ARHGEF10: variants seen among roughly 807,000 people sequenced by gnomAD.
ARHGEF10 encodes the protein Rho guanine nucleotide exchange factor 10.
Under a neutral mutation model 147.4 loss-of-function variants are expected in ARHGEF10, and 140 were observed. The ratio of observed to expected loss-of-function variants is 0.95; its 90% CI spans 0.83 to 1.09. ARHGEF10 has a LOEUF of 1.09. Ranked by LOEUF, ARHGEF10 falls within the 50% of genes least tolerant of loss-of-function variation. ARHGEF10 has a pLI of 0.00. For synonymous variants in ARHGEF10, 902 were observed against 695.8 expected (o/e 1.30, Z -4.67); for missense variants, 2,222 against 1,752.7 (o/e 1.27, Z -4.78).
chr8:1,863,022 A>T (rs1450104871), intron 4 of ARHGEF10, among the ~76,000 whole-genome samples: 2 of 151,504 alleles, frequency 1.3e-5, no homozygotes, highest in Non-Finnish European at 2.9e-5. Flanking sequence ...TGACCTCGTG[A>T]TCCGCCCGCC....
chr8:1,897,036 G>C (rs906161370), intron 14 of ARHGEF10, among the ~76,000 whole-genome samples: 2 of 152,206 alleles, frequency 1.3e-5, no homozygotes, highest in African/African-American at 4.8e-5. Context: ...GCTGTGTTCT[G>C]ACAGTTTGCT....
At chr8:1,862,877 C>T (rs1806260637) in intron 4 of ARHGEF10, among the ~76,000 whole-genome samples, 1 of 150,010 alleles carries the variant, frequency 6.7e-6, no homozygotes, top group Non-Finnish European at 1.5e-5. Flanking sequence ...CTCCCGGGTT[C>T]ACACCGTTCT....
At chr8:1,942,159 A>G (rs1242490831) in intron 26 of ARHGEF10, among the ~76,000 whole-genome samples, 1 of 151,272 alleles carries the variant, frequency 6.6e-6, no homozygotes, top group African/African-American at 2.4e-5. Context: ...TTCAAAGGAC[A>G]CTATCAGCAG....
At chr8:1,881,621 G>A (rs747323065) in intron 9 of ARHGEF10, among the ~76,000 whole-genome samples, 3 of 152,148 alleles carry the variant, frequency 2.0e-5, no homozygotes, top group Non-Finnish European at 1.5e-5. Flanking sequence ...GGCAGGCGAC[G>A]CGGGTGTGAG....
At chr8:1,936,304 C>G (rs1336430170) in intron 26 of ARHGEF10, among the ~76,000 whole-genome samples, 1 of 152,110 alleles carries the variant, frequency 6.6e-6, no homozygotes, top group Non-Finnish European at 1.5e-5. Flanking sequence ...CGCTTGAGCT[C>G]AAGAGTTCAA....
intron 1 of ARHGEF10, among the ~76,000 whole-genome samples, chr8:1,840,473 A>ACTGTCCTGTGTGGAAG: frequency 7.7e-6 from 1 of 130,538 alleles, no homozygotes; most frequent in Non-Finnish European, 1.6e-5. Flanking sequence ...CGGTGTGGGT[A>ACTGTCCTGTGTGGAAG]CTGTCCTGTG....
At chr8:1,897,084 C>T (rs766230513) in intron 14 of ARHGEF10, among the ~76,000 whole-genome samples, 16 of 152,348 alleles carry the variant, frequency 1.1e-4, no homozygotes, top group East Asian at 3.9e-4. Flanking sequence ...TCAAAGACGT[C>T]GGCGGAACTG....
intron 2 of ARHGEF10, among the ~76,000 whole-genome samples, chr8:1,846,243 T>G (rs76875788): frequency 0.023 from 3,567 of 152,342 alleles, 75 homozygotes; most frequent in East Asian, 0.083. Context: ...ATGACCTTGG[T>G]CTTTGATACA....
intron 18 of ARHGEF10, among the ~76,000 whole-genome samples, chr8:1,912,172 G>C (rs1176499021): frequency 6.7e-6 from 1 of 150,202 alleles, no homozygotes; most frequent in Non-Finnish European, 1.5e-5. Context: ...CAAAAGCGCC[G>C]TGTCGATTGT....
At chr8:1,907,442 G>A (rs1050189472) in intron 17 of ARHGEF10, among the ~76,000 whole-genome samples, 3 of 152,164 alleles carry the variant, frequency 2.0e-5, no homozygotes, top group Admixed American at 6.5e-5. Context: ...AAATGACCTT[G>A]TAAACGGCAA....
At chr8:1,927,716 C>A (rs940217464) in intron 23 of ARHGEF10, among the ~76,000 whole-genome samples, 1 of 152,120 alleles carries the variant, frequency 6.6e-6, no homozygotes, top group East Asian at 1.9e-4. Context: ...AGTTTGAGAC[C>A]AGCCTGGCCA....
At chr8:1,838,024 C>T (rs985991083) in intron 1 of ARHGEF10, among the ~76,000 whole-genome samples, 4 of 152,186 alleles carry the variant, frequency 2.6e-5, no homozygotes, top group African/African-American at 4.8e-5. Context: ...TCATTGTCTC[C>T]TCCATAGAGT....
chr8:1,894,482 G>C lies in ARHGEF10; in HGVS notation c.1350G>C (p.Leu450=), dbSNP rs374059529. 10 of 1,614,124 alleles carry C rather than the reference G, an allele frequency of 6.2e-6. No homozygotes were observed. Among genetic ancestry groups the C allele is most frequent in the South Asian group, 1.1e-5 (1 of 91,090 alleles). Residue 450 remains leucine (L), a synonymous_variant, in exon 13 of 29, where the codon CTG becomes CTC. Coordinates refer to ENST00000349830, the MANE Select transcript of ARHGEF10 (RefSeq NM_014629.4). ...TGTTCTACCGAGTCAAAGAGATCCT[G>C]CAGTGCCACTCGCTATTTCAGATCG... ...KTVFYRVKEI[L]QCHSLFQIAL... is the part of the protein sequence containing the mutation.
At chr8:1,854,450 T>G (rs1438672949) in intron 2 of ARHGEF10, among the ~76,000 whole-genome samples, 1 of 152,220 alleles carries the variant, frequency 6.6e-6, no homozygotes, top group African/African-American at 2.4e-5. Context: ...TGGAACTGAA[T>G]TCTGAGAGGA....
chr8:1,876,544 A>T (rs757636348), intron 7 of ARHGEF10, 27 bp from the exon 8 acceptor site: 1 of 1,612,064 alleles, frequency 6.2e-7, no homozygotes, highest in South Asian at 1.1e-5. Context: ...TAAAGTTTTA[A>T]TTTCATTTTG....
At chr8:1,900,970 T>G (rs765863555) in intron 15 of ARHGEF10, among the ~76,000 whole-genome samples, 1 of 151,956 alleles carries the variant, frequency 6.6e-6, no homozygotes, top group Non-Finnish European at 1.5e-5. Flanking sequence ...CCGAGCAGTT[T>G]CCCTCAGGGA....
intron 4 of ARHGEF10, among the ~76,000 whole-genome samples, chr8:1,863,681 C>G (rs1190136441): frequency 6.6e-6 from 1 of 152,134 alleles, no homozygotes; most frequent in Non-Finnish European, 1.5e-5. Flanking sequence ...TCTGCTTCTT[C>G]TGCACTGGCG....
At chr8:1,878,884 C>G (rs28450381) in intron 8 of ARHGEF10, among the ~76,000 whole-genome samples, 1 of 151,776 alleles carries the variant, frequency 6.6e-6, no homozygotes. Flanking sequence ...AATTACAACC[C>G]GGGAGCGCTG....
chr8:1,955,128 G>A (rs60195892), intron 28 of ARHGEF10, among the ~76,000 whole-genome samples: 16 of 119,294 alleles, frequency 1.3e-4, no homozygotes, highest in Non-Finnish European at 2.2e-4. Flanking sequence ...GAAAGGAGGT[G>A]CACTCTCACT....
Sources: allele counts gnomAD v4.1 joint callset (sites outside exome capture counted in the v4.1 genomes callset), GRCh38; gene constraint gnomAD v4.1.1; transcripts MANE v1.5; gene names NCBI Gene and HGNC (gene_info 2026-07-23, HGNC 2026-07-21).